CABLES2: variants seen among roughly 807,000 people sequenced by gnomAD.
The protein encoded by CABLES2 is CDK5 and ABL1 enzyme substrate 2.
In CABLES2, 35 loss-of-function variants were observed where a neutral mutation model predicts 44.8. That is an observed-to-expected ratio of 0.78 (90% CI 0.60 to 1.04). The LOEUF (loss-of-function observed/expected upper bound fraction) is 1.04, where lower values mean the gene tolerates loss of function less well. CABLES2 is among the 50% of genes least tolerant of loss of function. The pLI, the probability that CABLES2 is intolerant of heterozygous loss-of-function variation, is 0.00. For missense variants in CABLES2, 566 were observed against 615.7 expected, an observed-to-expected ratio of 0.92 and a Z score of 0.85; for synonymous variants, 282 against 281.1, an observed-to-expected ratio of 1.00 and a Z score of -0.03.
rs887722473 is a variant in CABLES2, at chr20:62,389,332, TAAGA to T, written c.*1635_*1638del. On this transcript the variant is annotated 3_prime_UTR_variant, in exon 10 of 10. Transcript: ENST00000279101. ...CTTGATGGAAGGGGACGCTCCACAA[TAAGA>T]AAGAACAAAGGCTTTGGTTTGTCCT... 28 of 152,216 alleles carry T rather than the reference TAAGA, an allele frequency of 1.8e-4. No homozygotes were observed. The highest frequency in any genetic ancestry group is 5.8e-4 in the African/African-American group (24 of 41,414). 9.4% of individuals were successfully genotyped at this position (152,216 alleles called of 1,614,324 possible).
At chr20:62,397,858 T>C (rs1419832752) in intron 1 of CABLES2, among the ~76,000 whole-genome samples, 1 of 152,096 alleles carries the variant, frequency 6.6e-6, no homozygotes, top group Non-Finnish European at 1.5e-5. Flanking sequence ...GCAGGGCTGT[T>C]GGCCCCCAGA....
In CABLES2 at chr20:62,397,916, A is replaced by ATGGCGGTG. The variant is rs1407114274; in HGVS notation, c.363-1325_363-1324insCACCGCCA. Among the ~76,000 whole-genome samples the ATGGCGGTG allele has an allele frequency of 5.2e-3, 374 of 72,148 alleles. 2 individuals are homozygous for ATGGCGGTG. The highest frequency in any genetic ancestry group is 8.6e-3 in the Non-Finnish European group (271 of 31,512). 47.3% of individuals were successfully genotyped at this position (72,148 alleles called of 152,430 possible). A position where few individuals can be genotyped will look rare whatever the true frequency, so the allele number is the denominator to read the frequency against. On this transcript the variant is annotated intron_variant, in intron 1 of 9. Coordinates refer to ENST00000279101, the MANE Select transcript of CABLES2 (RefSeq NM_031215.3). Reference sequence around the variant, plus strand: ...TGGCGGTGGTGGTGATGGTGATGGCAGTGGTGATGGTGGTGGTGGTGATGG... The same window carrying ATGGCGGTG: ...TGGCGGTGGTGGTGATGGTGATGGCATGGCGGTGGTGGTGATGGTGGTGGTGGTGATGG...
At chr20:62,404,068 C>G (rs1402673430) in intron 1 of CABLES2, 1 of 152,226 alleles carries the variant, frequency 6.6e-6, no homozygotes, top group Admixed American at 6.5e-5. Flanking sequence ...GCCTATAGTT[C>G]CAGCTACTGG....
At position 62,391,360 on chromosome 20, in the gene CABLES2, CAGGA is replaced by C. The variant is rs1987914487; in HGVS notation, c.1181_1184del (p.Val394GlyfsTer33). The C allele has an allele frequency of 2.5e-6, 4 of 1,613,468 alleles. No homozygotes were observed. The highest frequency in any genetic ancestry group is 3.4e-6 in the Non-Finnish European group (4 of 1,180,034). ...GGTTCTGTTTGCTGAGCTTGCCCTG[CAGGA>C]CCAGCTTCTCAAAGTACACGTAGGC... On this transcript the variant is annotated frameshift_variant, in exon 9 of 10. Coordinates refer to ENST00000279101, the MANE Select transcript of CABLES2 (RefSeq NM_031215.3). LOFTEE classifies it high-confidence loss of function. This position sits in a 1 kb window ranked among gnomAD's most constrained non-coding sequence, Gnocchi z 5.7.
chr20:62,396,378 T>C lies in CABLES2; in HGVS notation c.464A>G (p.His155Arg). 2 of 1,614,094 alleles carry C rather than the reference T, an allele frequency of 1.2e-6. No individual in the cohort carries two copies. The highest frequency in any genetic ancestry group is 1.7e-6 in the Non-Finnish European group (2 of 1,180,004). Residue 155 changes from histidine (H) to arginine (R), a missense_variant, in exon 3 of 10, where the codon CAT (histidine) becomes CGT (arginine). Physicochemically the swap from His to Arg is conservative, Grantham distance 29 (BLOSUM62 0). Transcript: ENST00000279101. The surrounding 1 kb of genome is among the most constrained non-coding windows in gnomAD (Gnocchi z 5.7). Reference protein sequence around the residue: ...RTKHTSGSPRHKGLKKTHFIK... With the variant: ...RTKHTSGSPRRKGLKKTHFIK... ...GAAGTGGGTCTTCTTCAGGCCTTTA[T>C]GTCTCGGTGATCCAGATGTGTGTTT...
rs1368644688 is a variant in CABLES2 at position 62,399,536 on chromosome 20, C to A, written c.363-2944G>T. Among the ~76,000 whole-genome samples, 4 of 148,688 alleles carry A rather than the reference C, an allele frequency of 2.7e-5. No homozygotes were observed. In the East Asian group the frequency reaches 5.8e-4, roughly 22 times the overall value. On this transcript the variant is annotated intron_variant, in intron 1 of 9. Transcript: ENST00000279101. ...TGCTGGGATTACAGGCGTGAGCCACCACGCCCGGCCTGTTTTTTTTTTTGA... is the reference window on the plus strand; with the variant it reads ...TGCTGGGATTACAGGCGTGAGCCACAACGCCCGGCCTGTTTTTTTTTTTGA...
chr20:62,406,740 A>G (rs559808269), intron 1 of CABLES2, among the ~76,000 whole-genome samples, 175 bp downstream of exon 1: 1 of 105,676 alleles, frequency 9.5e-6, no homozygotes, highest in African/African-American at 4.3e-5. Flanking sequence ...AGGTGAACCC[A>G]ACCCCTTTGT....
chr20:62,395,599 C>G (rs1366152777), intron 3 of CABLES2, among the ~76,000 whole-genome samples: 5 of 152,236 alleles, frequency 3.3e-5, no homozygotes, highest in Admixed American at 3.3e-4. Context: ...TCTGCCCTGC[C>G]TGGGCCCAGG....
rs1987880750 is a variant in CABLES2 at position 62,389,921 on chromosome 20, C to T, written c.*1050G>A. 6.6e-6 allele frequency: 1 copy of T among 152,204 alleles called. No homozygotes were observed. The allele number at this position is 152,204 out of a possible 1,614,324, so 9.4% of individuals were successfully genotyped here. A position where few individuals can be genotyped will look rare whatever the true frequency, so the allele number is the denominator to read the frequency against. On this transcript the variant is annotated 3_prime_UTR_variant, in exon 10 of 10. Transcript: ENST00000279101. Reference sequence around the variant, plus strand: ...AGGTGGCCAAGATGGCACCTGTTTCCTGCCTCAGAAGAAAAGGCACTGACG... The same window carrying T: ...AGGTGGCCAAGATGGCACCTGTTTCTTGCCTCAGAAGAAAAGGCACTGACG...
chr20:62,393,996 C>T (rs1030109537), intron 5 of CABLES2, among the ~76,000 whole-genome samples, 161 bp downstream of exon 5: 3 of 152,184 alleles, frequency 2.0e-5, no homozygotes, highest in Non-Finnish European at 2.9e-5. Flanking sequence ...TCCAGGGCCA[C>T]GTTCTCAGGG....
intron 7 of CABLES2, 146 bp downstream of exon 7, chr20:62,392,774 C>T: frequency 2.6e-6 from 2 of 766,030 alleles, no homozygotes; most frequent in Non-Finnish European, 4.4e-6. Flanking sequence ...GCCTGCCCTG[C>T]ACACCGCCAC....
At position 62,391,446 on chromosome 20, in the gene CABLES2, G is replaced by C. The variant is rs746957337; in HGVS notation, c.1099C>G (p.Arg367Gly). The change falls in exon 9 of 10, where the codon CGG (arginine) becomes GGG (glycine). Residue 367 changes from arginine (R) to glycine (G), a missense_variant. Physicochemically the swap from Arg to Gly is moderately radical, Grantham distance 125. Coordinates refer to ENST00000279101, the MANE Select transcript of CABLES2 (RefSeq NM_031215.3). The surrounding 1 kb of genome is among the most constrained non-coding windows in gnomAD (Gnocchi z 5.7). ...TCCTCCGACAGGCTCCGCATCTCCC[G>C]CTTTAAGCTGTGGGTTAAGACAGAA... The part of the protein sequence containing the change: ...LTLSKIRSLK[R>G]EMRSLSEECS... 1 of 1,613,024 alleles carries C rather than the reference G, an allele frequency of 6.2e-7. No individual in the cohort carries two copies. The highest frequency in any genetic ancestry group is 2.2e-5 in the East Asian group (1 of 44,880).
At chr20:62,398,115 GTGGTGGTGGTTATGACGGTGGTGA>G (rs1988092667) in intron 1 of CABLES2, among the ~76,000 whole-genome samples, 1 of 103,666 alleles carries the variant, frequency 9.6e-6, no homozygotes, top group Non-Finnish European at 2.2e-5. Context: ...GATGGTGGTG[GTGGTGGTGGTTATGACGGTGGTGA>G]TGGTGGTGGT....
At chr20:62,392,294 G>C in intron 8 of CABLES2, 95 bp downstream of exon 8, 1 of 937,112 alleles carries the variant, frequency 1.1e-6, no homozygotes, top group South Asian at 1.4e-5. Context: ...GCAGCGGCTA[G>C]ACTTGTCAAG....
chr20:62,400,883 C>T (rs1291477595), intron 1 of CABLES2, among the ~76,000 whole-genome samples: 2 of 152,220 alleles, frequency 1.3e-5, no homozygotes, highest in Non-Finnish European at 2.9e-5. Flanking sequence ...TTCTACAGAT[C>T]TTTCTCTGTA....
rs1173916923 is a variant in CABLES2 at position 62,390,963 on chromosome 20, G to A, written c.*8C>T. 1 of 1,613,792 alleles carries A rather than the reference G, an allele frequency of 6.2e-7. No homozygotes were observed. Among genetic ancestry groups the A allele is most frequent in the Non-Finnish European group, 8.5e-7 (1 of 1,179,886 alleles). On this transcript the variant is annotated 3_prime_UTR_variant, in exon 10 of 10. Coordinates refer to ENST00000279101, the MANE Select transcript of CABLES2 (RefSeq NM_031215.3). ...CCTCGGTGCCCTGAGCCTTCTGTGG[G>A]GCCTCTGCTAGAACTGCTGGGTGAG...
intron 1 of CABLES2, among the ~76,000 whole-genome samples, chr20:62,398,400 G>A (rs958675794): frequency 2.0e-5 from 3 of 147,452 alleles, no homozygotes; most frequent in African/African-American, 7.5e-5. Flanking sequence ...TCTGCAGGGT[G>A]CTGTGTGGTT....
In CABLES2 at chr20:62,399,021, A is replaced by G. The variant is rs138322382; in HGVS notation, c.363-2429T>C. Among the ~76,000 whole-genome samples, 57 of 152,230 alleles carry G rather than the reference A, an allele frequency of 3.7e-4. No homozygotes were observed. In the East Asian group the frequency reaches 0.011, roughly 29 times the overall value. On this transcript the variant is annotated intron_variant, in intron 1 of 9. Coordinates refer to ENST00000279101, the MANE Select transcript of CABLES2 (RefSeq NM_031215.3). The stretch of plus-strand genomic sequence containing the variant: ...AAGTGCAATGGCGCCATCTTGGCTC[A>G]CTGCAACCTCCGCCTGCTGGATTCA...
chr20:62,399,592 C>CA (rs1988151154), intron 1 of CABLES2, among the ~76,000 whole-genome samples: 1 of 96,106 alleles, frequency 1.0e-5, no homozygotes, highest in Admixed American at 1.1e-4. Context: ...GGGGTCAGGT[C>CA]CTTTTTTTTT....
Sources: allele counts gnomAD v4.1 joint callset (sites outside exome capture counted in the v4.1 genomes callset), GRCh38; gene constraint gnomAD v4.1.1; non-coding constraint Gnocchi (gnomAD v3.1); transcripts MANE v1.5; gene names NCBI Gene and HGNC (gene_info 2026-07-23, HGNC 2026-07-21).